The following MYO18B variants were observed in gnomAD, a reference collection of about 807,000 sequenced individuals.
MYO18B encodes the protein myosin XVIIIB, also known as unconventional myosin-XVIIIb.
In MYO18B, 204 loss-of-function variants were observed where a neutral mutation model predicts 273.0. The ratio of observed to expected loss-of-function variants is 0.75; its 90% CI spans 0.67 to 0.84. The LOEUF (loss-of-function observed/expected upper bound fraction) is 0.84. MYO18B is among the 40% of genes least tolerant of loss of function. The pLI, the probability that MYO18B is intolerant of heterozygous loss-of-function variation, is 0.00. For synonymous variants in MYO18B, 1,330 were observed against 1,305.7 expected, an observed-to-expected ratio of 1.02 and a Z score of -0.40; for missense variants, 3,212 against 3,287.6, an observed-to-expected ratio of 0.98 and a Z score of 0.56.
chr22:26,027,795 C>A lies in MYO18B; in HGVS notation c.*12+105C>A. On this transcript the variant is annotated intron_variant, in intron 43 of 43. Transcript: ENST00000335473. This position sits in a 1 kb window ranked among gnomAD's most constrained non-coding sequence, Gnocchi z 4.1. The stretch of plus-strand genomic sequence containing the variant: ...GTCCTTAATGCCACAACCGATTTCT[C>A]TAGAGACCAAGATTTTTAGAGGTTT... The A allele has an allele frequency of 8.0e-7, 1 of 1,251,998 alleles. No homozygotes were observed. Among genetic ancestry groups the A allele is most frequent in the South Asian group, 1.6e-5 (1 of 62,224 alleles). The allele number at this position is 1,251,998 out of a possible 1,614,324, so 77.6% of individuals were successfully genotyped here.
chr22:26,004,959 A>C, intron 42 of MYO18B, 104 bp downstream of exon 42: 1 of 1,447,478 alleles, frequency 6.9e-7, no homozygotes, highest in Non-Finnish European at 9.5e-7. Flanking sequence ...ATAGGCAAAA[A>C]CAAGCATGGT....
intron 39 of MYO18B, among the ~76,000 whole-genome samples, chr22:25,961,493 T>C (rs1326232202): frequency 6.6e-6 from 1 of 152,198 alleles, no homozygotes; most frequent in Non-Finnish European, 1.5e-5. Context: ...TTAATTTTAG[T>C]AAATGTGCTA....
chr22:25,775,365 G>A (rs945367701), intron 7 of MYO18B, among the ~76,000 whole-genome samples: 1 of 152,200 alleles, frequency 6.6e-6, no homozygotes, highest in African/African-American at 2.4e-5. Flanking sequence ...TAGGCTGAGG[G>A]GAGGGCCATC....
intron 42 of MYO18B, among the ~76,000 whole-genome samples, chr22:26,008,805 CCTT>C (rs1934650813): frequency 6.6e-6 from 1 of 152,342 alleles, no homozygotes; most frequent in South Asian, 2.1e-4. Flanking sequence ...CCTGGCCTCT[CCTT>C]CTCGCTCTCC....
At chr22:25,760,410 T>C (rs1383650624) in intron 1 of MYO18B, among the ~76,000 whole-genome samples, 2 of 8,586 alleles carry the variant, frequency 2.3e-4, no homozygotes, top group Admixed American at 4.5e-3. Flanking sequence ...AGACTCCATC[T>C]CAAAAAAAAA....
In MYO18B at chr22:26,031,006, A is replaced by G. The variant is rs968866072; in HGVS notation, c.*576A>G. 1 of 398,500 alleles carries G rather than the reference A, an allele frequency of 2.5e-6. No homozygotes were observed. Among genetic ancestry groups the G allele is most frequent in the Non-Finnish European group, 4.4e-6 (1 of 225,998 alleles). 24.7% of individuals were successfully genotyped at this position (398,500 alleles called of 1,614,324 possible). On this transcript the variant is annotated 3_prime_UTR_variant, in exon 44 of 44. Transcript: ENST00000335473. ...AAACTGATGAATGATGAATGAATGA[A>G]TGAGCCAAAGAACAAATAAATGAGC...
At position 25,790,398 on chromosome 22, in the gene MYO18B, C is replaced by T. The variant is rs372525346; in HGVS notation, c.2376+4907C>T. On this transcript the variant is annotated intron_variant, in intron 11 of 43. Transcript: ENST00000335473. ...AAGGTGGGCGTCTGGCTTGTATTAC[C>T]ATCTCCGACTCCCAAACCTCCGTCT... 5.3e-5 allele frequency among the ~76,000 whole-genome samples: 8 copies of T among 152,120 alleles called. No individual in the cohort carries two copies. In the East Asian group the frequency reaches 9.6e-4, roughly 18 times the overall value.
chr22:25,925,471 CTG>C (rs1351865518), intron 34 of MYO18B, among the ~76,000 whole-genome samples: 1 of 152,160 alleles, frequency 6.6e-6, no homozygotes, highest in Admixed American at 6.5e-5. Flanking sequence ...GTAGAGAAAA[CTG>C]GATCCAGCAC....
At chr22:25,950,517 G>GCTGTGTGTGT (rs1555962076) in intron 37 of MYO18B, 67 bp downstream of exon 37, 5 of 245,066 alleles carry the variant, frequency 2.0e-5, no homozygotes, top group Admixed American at 1.4e-4. Flanking sequence ...GAACTAATAG[G>GCTGTGTGTGT]ATGTGTGTGT....
At chr22:26,046,425 A>G in the MYO18B span, among the ~76,000 whole-genome samples, 2 of 152,168 alleles carry the variant, frequency 1.3e-5, no homozygotes, top group Admixed American at 1.3e-4. Context: ...AAGCCTCAGA[A>G]ATGTCCTCAA....
chr22:26,033,794 C>CTT (rs1556007465), downstream of MYO18B, among the ~76,000 whole-genome samples: 1 of 109,680 alleles, frequency 9.1e-6, no homozygotes, highest in African/African-American at 5.5e-5. Flanking sequence ...TTTTCTGTCT[C>CTT]TCCTTCCTTC....
At chr22:26,013,737 A>G (rs1036039565) in intron 42 of MYO18B, among the ~76,000 whole-genome samples, 1 of 152,208 alleles carries the variant, frequency 6.6e-6, no homozygotes, top group African/African-American at 2.4e-5. Flanking sequence ...TCAAATTTTC[A>G]TCTTCACTCA....
In MYO18B at chr22:25,840,410, G is replaced by A. The variant is rs148849659; in HGVS notation, c.3209-3325G>A. On this transcript the variant is annotated intron_variant, in intron 17 of 43. Transcript: ENST00000335473. ...TTTCCCTGACCTCTTTGTAAAAAGC[G>A]GTGACCCCTCCCTGCCTGCGATCCT... Among the ~76,000 whole-genome samples, 509 of 152,312 alleles carry A rather than the reference G, an allele frequency of 3.3e-3. 1 individual carries two copies. The highest frequency in any genetic ancestry group is 6.8e-3 in the Middle Eastern group (2 of 294).
chr22:25,813,515 C>T (rs2088860416), intron 12 of MYO18B, among the ~76,000 whole-genome samples: 1 of 152,186 alleles, frequency 6.6e-6, no homozygotes, highest in South Asian at 2.1e-4. Flanking sequence ...TGAGGGTGGT[C>T]AGCTCCACTC....
chr22:25,921,213 A>G (rs994088927), intron 33 of MYO18B, 44 bp from the exon 34 acceptor site: 3 of 1,525,328 alleles, frequency 2.0e-6, no homozygotes. Flanking sequence ...GACCCTGGCC[A>G]CTGCTTTGCC....
At chr22:25,997,978 C>CACACACGA (rs34431605) in intron 40 of MYO18B, among the ~76,000 whole-genome samples, 24 of 144,640 alleles carry the variant, frequency 1.7e-4, no homozygotes, top group Admixed American at 6.9e-4. Context: ...CACACACACA[C>CACACACGA]GAGAGAGAGA....
intron 12 of MYO18B, among the ~76,000 whole-genome samples, chr22:25,807,409 A>G (rs190491074): frequency 1.3e-5 from 2 of 152,354 alleles, no homozygotes; most frequent in East Asian, 3.9e-4. Flanking sequence ...CCCAAAGCCC[A>G]TGGCTTGAAC....
chr22:25,813,116 A>G (rs1411709428), intron 12 of MYO18B, among the ~76,000 whole-genome samples: 2 of 95,230 alleles, frequency 2.1e-5, no homozygotes, highest in African/African-American at 8.4e-5. Context: ...TCTTTCCTCC[A>G]CTTCTCCCTT....
At chr22:25,848,367 C>T (rs889091960) in intron 20 of MYO18B, among the ~76,000 whole-genome samples, 12 of 152,082 alleles carry the variant, frequency 7.9e-5, no homozygotes, top group African/African-American at 2.7e-4. Context: ...CATAGTCAGG[C>T]CTTGAAGCAT....
Sources: allele counts gnomAD v4.1 joint callset (sites outside exome capture counted in the v4.1 genomes callset), GRCh38; gene constraint gnomAD v4.1.1; non-coding constraint Gnocchi (gnomAD v3.1); transcripts MANE v1.5; gene names NCBI Gene and HGNC (gene_info 2026-07-23, HGNC 2026-07-21).